Variants in CDKL5 observed in about 807,000 individuals in gnomAD.
CDKL5 encodes the protein cyclin-dependent kinase-like 5.
Under a neutral mutation model 61.7 loss-of-function variants are expected in CDKL5, and 8 were observed. The ratio of observed to expected loss-of-function variants is 0.13; its 90% CI spans 0.08 to 0.23. The LOEUF (loss-of-function observed/expected upper bound fraction) is 0.23, where lower values mean the gene tolerates loss of function less well. CDKL5 is among the 10% of genes least tolerant of loss of function. The probability of loss-of-function intolerance (pLI) is 1.00; values close to 1 mark genes in which losing one functional copy is unlikely to be tolerated. For missense variants in CDKL5, 440 were observed against 734.5 expected (o/e 0.60, Z 4.63); for synonymous variants, 275 against 272.3 (o/e 1.01, Z -0.10).
intron 7 of CDKL5, 40 bp downstream of exon 7, chrX:18,581,990 T>C: frequency 2.2e-6 from 2 of 920,226 alleles, no homozygotes; most frequent in Non-Finnish European, 3.2e-6. Flanking sequence ...CTTACAGAAT[T>C]AATTTATTGT....
chrX:18,609,591 C>T, intron 14 of CDKL5, 21 bp downstream of exon 14: 1 of 1,209,307 alleles, frequency 8.3e-7, no homozygotes, highest in Non-Finnish European at 1.1e-6. Context: ...CCCCGGCATT[C>T]AACAGGTTCC....
At position 18,444,803 on chromosome X, in the gene CDKL5, A is replaced by G. The variant is rs544720916; in HGVS notation, c.-163+19108A>G. 6.2e-5 allele frequency among the ~76,000 whole-genome samples: 7 copies of G among 112,100 alleles called. No homozygotes were observed. The South Asian group carries it at 2.6e-3, about 41-fold the overall frequency. On this transcript the variant is annotated intron_variant, in intron 1 of 17. Transcript: ENST00000623535. The stretch of plus-strand genomic sequence containing the variant: ...TAATTTTTGAGGAATGAAATCTCCC[A>G]TTTGGCTTCCCTTCTTCCCTCCAAG...
intron 16 of CDKL5, 135 bp from the exon 17 acceptor site, chrX:18,624,993 G>T: frequency 1.8e-6 from 1 of 568,993 alleles, no homozygotes; most frequent in Non-Finnish European, 3.1e-6. Flanking sequence ...GAGAGATTGG[G>T]GTTCTATTTT....
At chrX:18,463,189 G>C (rs1932328647) in intron 1 of CDKL5, among the ~76,000 whole-genome samples, 1 of 109,306 alleles carries the variant, frequency 9.1e-6, no homozygotes, top group Non-Finnish European at 1.9e-5. Flanking sequence ...TTCTGAACCT[G>C]GGTGTTGAGA....
At chrX:18,546,853 C>T (rs1478173316) in intron 3 of CDKL5, among the ~76,000 whole-genome samples, 1 of 110,840 alleles carries the variant, frequency 9.0e-6, no homozygotes, top group Non-Finnish European at 1.9e-5. Context: ...CTTGGGATCA[C>T]GAAAAGAGGA....
intron 3 of CDKL5, among the ~76,000 whole-genome samples, chrX:18,539,554 TTG>T (rs927469652): frequency 2.7e-5 from 3 of 111,914 alleles, no homozygotes; most frequent in African/African-American, 9.7e-5. Flanking sequence ...TCGGATTCCA[TTG>T]TGGTCAGAGA....
chrX:18,581,508 G>A lies in CDKL5; in HGVS notation c.404-383G>A, dbSNP rs1301174384. Among the ~76,000 whole-genome samples the A allele has an allele frequency of 2.7e-5, 3 of 111,703 alleles. No homozygotes were observed. In the Admixed American group the frequency reaches 2.9e-4, roughly 11 times the overall value. On this transcript the variant is annotated intron_variant, in intron 6 of 17. Transcript: ENST00000623535. ...CTACTTATTCTCATGTATTTTTAAAGTATCTTGTGGGTGTAAACATTTTAT... is the reference window on the plus strand; with the variant it reads ...CTACTTATTCTCATGTATTTTTAAAATATCTTGTGGGTGTAAACATTTTAT...
intron 1 of CDKL5, among the ~76,000 whole-genome samples, chrX:18,466,870 C>T (rs775264274): frequency 5.4e-5 from 6 of 111,158 alleles, no homozygotes; most frequent in African/African-American, 9.8e-5. Flanking sequence ...GGGAGCTCTC[C>T]GCATTTGCAG....
intron 4 of CDKL5, among the ~76,000 whole-genome samples, chrX:18,565,048 A>G (rs1200361814): frequency 8.0e-5 from 9 of 112,014 alleles, no homozygotes; most frequent in Non-Finnish European, 1.7e-4. Context: ...AAGAAATACT[A>G]TGCTTAGGGG....
At chrX:18,489,944 G>C (rs1284465191) in intron 1 of CDKL5, among the ~76,000 whole-genome samples, 1 of 110,959 alleles carries the variant, frequency 9.0e-6, no homozygotes, top group Non-Finnish European at 1.9e-5. Context: ...TGACCACCTT[G>C]GGCACATATA....
rs761399369 is a variant in CDKL5 at position 18,645,870 on chromosome X, C to A, written c.2714-137C>A. 2.5e-4 allele frequency: 231 copies of A among 912,718 alleles called. No homozygotes were observed. In the African/African-American group the frequency reaches 4.1e-3, roughly 16 times the overall value. 75.2% of individuals were successfully genotyped at this position (912,718 alleles called of 1,213,427 possible). A position where few individuals can be genotyped will look rare whatever the true frequency, so the allele number is the denominator to read the frequency against. On this transcript the variant is annotated intron_variant, in intron 19 of 21. Transcript: ENST00000379989. ...GGCTAAGATGGCATTTCCTAGTCTC[C>A]CTTGCAACTAGATGGGGCCCCCTAA...
At chrX:18,427,716 T>C (rs758479340) in intron 1 of CDKL5, among the ~76,000 whole-genome samples, 1 of 111,861 alleles carries the variant, frequency 8.9e-6, no homozygotes, top group Non-Finnish European at 1.9e-5. Context: ...AAATCCGATA[T>C]ATTTTTTTTA....
At chrX:18,489,636 A>C (rs2147079350) in intron 1 of CDKL5, among the ~76,000 whole-genome samples, 1 of 111,101 alleles carries the variant, frequency 9.0e-6, no homozygotes, top group East Asian at 2.8e-4. Context: ...CTCTGAATCC[A>C]CTTATGACCT....
intron 1 of CDKL5, among the ~76,000 whole-genome samples, chrX:18,469,338 CAAAAAA>C (rs34096001): frequency 1.1e-3 from 17 of 15,672 alleles, no homozygotes; most frequent in African/African-American, 4.4e-3. Flanking sequence ...GACTCTGTCT[CAAAAAA>C]AAAAAAAAAA....
At chrX:18,533,657 A>AT (rs1923723305) in intron 3 of CDKL5, among the ~76,000 whole-genome samples, 2 of 111,457 alleles carry the variant, frequency 1.8e-5, no homozygotes, top group Non-Finnish European at 3.8e-5. Context: ...GCAGCAGCTC[A>AT]TTTTTTGTCC....
At chrX:18,590,011 A>G (rs1373752814) in intron 9 of CDKL5, among the ~76,000 whole-genome samples, 3 of 111,589 alleles carry the variant, frequency 2.7e-5, no homozygotes, top group African/African-American at 6.5e-5. Flanking sequence ...AAATTTGTTT[A>G]AGTTCTTTGT....
intron 3 of CDKL5, among the ~76,000 whole-genome samples, chrX:18,537,823 T>A (rs1184441173): frequency 8.9e-6 from 1 of 112,612 alleles, no homozygotes; most frequent in Non-Finnish European, 1.9e-5. Context: ...CCAAGTTTTT[T>A]GTGTGAACCA....
At chrX:18,611,361 G>A (rs1039302511) in intron 14 of CDKL5, among the ~76,000 whole-genome samples, 2 of 108,697 alleles carry the variant, frequency 1.8e-5, no homozygotes, top group African/African-American at 6.7e-5. Context: ...CGTGAACCCG[G>A]GAGGCGGAGC....
chrX:18,485,295 T>C, intron 1 of CDKL5, among the ~76,000 whole-genome samples: 1 of 111,253 alleles, frequency 9.0e-6, no homozygotes, highest in Non-Finnish European at 1.9e-5. Context: ...TGCTTTAGTT[T>C]AAATTTCATC....
Sources: gnomAD v4.1 joint callset for allele counts (sites outside exome capture counted in the v4.1 genomes callset) on GRCh38, gnomAD v4.1.1 for gene constraint, MANE v1.5 for transcripts, NCBI Gene and HGNC (gene_info 2026-07-23, HGNC 2026-07-21) for gene names.